The following LRRC4C variants were observed in gnomAD, a reference collection of about 807,000 sequenced individuals.
The protein encoded by LRRC4C is leucine rich repeat containing 4C.
Under a neutral mutation model 33.6 loss-of-function variants are expected in LRRC4C, and 5 were observed. The ratio of observed to expected loss-of-function variants is 0.15; its 90% CI spans 0.08 to 0.31. LRRC4C has a LOEUF of 0.31. Ranked by LOEUF, LRRC4C falls within the 10% of genes least tolerant of loss-of-function variation. LRRC4C has a pLI of 1.00. For missense variants in LRRC4C, 560 were observed against 796.7 expected (o/e 0.70, Z 3.58); for synonymous variants, 329 against 302.0 (o/e 1.09, Z -0.93).
At chr11:41,268,186 G>T (rs1199573440) in intron 1 of LRRC4C, among the ~76,000 whole-genome samples, 1 of 152,092 alleles carries the variant, frequency 6.6e-6, no homozygotes, top group Admixed American at 6.6e-5. Flanking sequence ...TTATCTTACA[G>T]AGCCCCAGTT....
chr11:40,183,194 C>A (rs894383624), intron 5 of LRRC4C, among the ~76,000 whole-genome samples: 1 of 152,072 alleles, frequency 6.6e-6, no homozygotes, highest in Non-Finnish European at 1.5e-5. Flanking sequence ...TGAATTTAAT[C>A]AAGGCATTTT....
At chr11:40,642,540 A>G (rs1283258506) in intron 3 of LRRC4C, among the ~76,000 whole-genome samples, 1 of 152,208 alleles carries the variant, frequency 6.6e-6, no homozygotes, top group African/African-American at 2.4e-5. Flanking sequence ...GAGATGAAAT[A>G]TAACTTTTAC....
chr11:40,552,250 T>C (rs1389432322), intron 3 of LRRC4C, among the ~76,000 whole-genome samples: 1 of 152,224 alleles, frequency 6.6e-6, no homozygotes, highest in Non-Finnish European at 1.5e-5. Context: ...ATTTGTTGAA[T>C]GTATGAATAC....
intron 1 of LRRC4C, among the ~76,000 whole-genome samples, chr11:41,019,409 C>G (rs905001016): frequency 7.2e-5 from 11 of 152,116 alleles, no homozygotes; most frequent in Non-Finnish European, 1.5e-4. Flanking sequence ...TTTTCTTTAT[C>G]CAGTCTATCA....
intron 2 of LRRC4C, among the ~76,000 whole-genome samples, chr11:40,792,259 A>G (rs1312663867): frequency 6.6e-6 from 1 of 152,188 alleles, no homozygotes; most frequent in Non-Finnish European, 1.5e-5. Context: ...GGAGTAAAAA[A>G]AAAATGAACA....
At chr11:40,864,136 T>C (rs933711468) in intron 2 of LRRC4C, among the ~76,000 whole-genome samples, 35 of 152,172 alleles carry the variant, frequency 2.3e-4, no homozygotes, top group African/African-American at 8.4e-4. Flanking sequence ...TGGCATGATC[T>C]CAGCTCACTG....
chr11:40,865,553 T>G (rs1219115767), intron 2 of LRRC4C, among the ~76,000 whole-genome samples: 1 of 151,236 alleles, frequency 6.6e-6, no homozygotes, highest in African/African-American at 2.4e-5. Flanking sequence ...CATCATGTTG[T>G]ATGTGATGAA....
At chr11:41,352,751 A>C (rs1952025105) in intron 1 of LRRC4C, among the ~76,000 whole-genome samples, 1 of 152,174 alleles carries the variant, frequency 6.6e-6, no homozygotes, top group South Asian at 2.1e-4. Flanking sequence ...TGGAAAGTAC[A>C]CAATCTACTC....
intron 4 of LRRC4C, among the ~76,000 whole-genome samples, chr11:40,265,583 C>T (rs1942190606): frequency 6.6e-6 from 1 of 152,182 alleles, no homozygotes; most frequent in Non-Finnish European, 1.5e-5. Context: ...GGAGGATAGA[C>T]ACAGCAGGAC....
chr11:40,278,287 G>C (rs577175820), intron 4 of LRRC4C, among the ~76,000 whole-genome samples: 1 of 152,188 alleles, frequency 6.6e-6, no homozygotes, highest in African/African-American at 2.4e-5. Context: ...CACCATCCCT[G>C]GGTGGGCAGA....
intron 2 of LRRC4C, among the ~76,000 whole-genome samples, chr11:40,812,648 G>T (rs1951539350): frequency 6.6e-6 from 1 of 152,044 alleles, no homozygotes; most frequent in Non-Finnish European, 1.5e-5. Context: ...CCACAAAAAT[G>T]AAAATGTGAT....
At chr11:40,461,800 TTAAAG>T (rs1162066653) in intron 3 of LRRC4C, among the ~76,000 whole-genome samples, 2 of 151,350 alleles carry the variant, frequency 1.3e-5, no homozygotes, top group African/African-American at 4.8e-5. Flanking sequence ...GATTATTACT[TTAAAG>T]TAAATAATGG....
chr11:40,183,169 G>A (rs1041474610), intron 5 of LRRC4C, among the ~76,000 whole-genome samples: 4 of 152,174 alleles, frequency 2.6e-5, no homozygotes, highest in African/African-American at 9.7e-5. Context: ...TGCACATACT[G>A]TAGTGAGGGA....
intron 2 of LRRC4C, among the ~76,000 whole-genome samples, chr11:40,683,572 AAGG>A (rs1944807984): frequency 6.6e-6 from 1 of 152,200 alleles, no homozygotes; most frequent in African/African-American, 2.4e-5. Context: ...ACAGAGGAAA[AAGG>A]AGGGGATGGA....
At chr11:41,416,782 C>T (rs1282637750) in intron 1 of LRRC4C, among the ~76,000 whole-genome samples, 2 of 151,906 alleles carry the variant, frequency 1.3e-5, no homozygotes, top group African/African-American at 2.4e-5. Flanking sequence ...TACTTCATAG[C>T]GCTGCTATGA....
intron 1 of LRRC4C, among the ~76,000 whole-genome samples, chr11:41,275,596 T>C (rs1196198788): frequency 6.6e-6 from 1 of 152,138 alleles, no homozygotes; most frequent in Non-Finnish European, 1.5e-5. Flanking sequence ...AAATTAGAAA[T>C]GGAACAAAAA....
chr11:40,183,073 T>C (rs1270928243), intron 5 of LRRC4C, among the ~76,000 whole-genome samples: 1 of 152,182 alleles, frequency 6.6e-6, no homozygotes, highest in Non-Finnish European at 1.5e-5. Context: ...CCTATAAGAA[T>C]GTAGCTTTAT....
chr11:40,851,864 C>T (rs953574522), intron 2 of LRRC4C, among the ~76,000 whole-genome samples: 2 of 152,172 alleles, frequency 1.3e-5, no homozygotes, highest in South Asian at 2.1e-4. Context: ...GGCGATCCCA[C>T]GTTGACAGCC....
chr11:40,786,682 A>G (rs1950422272), intron 2 of LRRC4C, among the ~76,000 whole-genome samples: 1 of 152,196 alleles, frequency 6.6e-6, no homozygotes, highest in Non-Finnish European at 1.5e-5. Context: ...TCATTGGTGT[A>G]TGTAACAAGG....
Sources: allele counts gnomAD v4.1 joint callset (sites outside exome capture counted in the v4.1 genomes callset), GRCh38; gene constraint gnomAD v4.1.1; transcripts MANE v1.5; gene names NCBI Gene and HGNC (gene_info 2026-07-23, HGNC 2026-07-21).